The following CIP2A variants were observed in gnomAD, a reference collection of about 807,000 sequenced individuals.
The protein encoded by CIP2A is cellular inhibitor of PP2A.
CIP2A carries 103 observed loss-of-function variants against 110.9 expected under a neutral mutation model. The ratio of observed to expected loss-of-function variants is 0.93; its 90% CI spans 0.79 to 1.09. The LOEUF (loss-of-function observed/expected upper bound fraction) is 1.09. Among genes scored for constraint, CIP2A ranks in the 50% least tolerant of loss-of-function variants. CIP2A has a pLI of 0.00. For missense variants in CIP2A, 1,088 were observed against 1,038.4 expected (o/e 1.05, Z -0.66); for synonymous variants, 381 against 361.6 (o/e 1.05, Z -0.61).
At chr3:108,580,026 T>C (rs541729655) in intron 5 of CIP2A, among the ~76,000 whole-genome samples, 1 of 152,202 alleles carries the variant, frequency 6.6e-6, no homozygotes, top group Non-Finnish European at 1.5e-5. Context: ...AAGGGACACA[T>C]GCAGAGTGGA....
chr3:108,558,609 T>G (rs1937892138), intron 16 of CIP2A, among the ~76,000 whole-genome samples: 1 of 152,070 alleles, frequency 6.6e-6, no homozygotes, highest in South Asian at 2.1e-4. Context: ...AAAATGTTAT[T>G]AAGAGATAAG....
At chr3:108,569,259 A>G in intron 9 of CIP2A, 130 bp downstream of exon 9, 1 of 685,944 alleles carries the variant, frequency 1.5e-6, no homozygotes, top group South Asian at 1.8e-5. Context: ...CGAGTCTAGT[A>G]TGACTGTTAG....
intron 8 of CIP2A, among the ~76,000 whole-genome samples, chr3:108,575,268 A>G (rs1051250034): frequency 2.0e-5 from 3 of 151,644 alleles, no homozygotes; most frequent in Non-Finnish European, 4.4e-5. Context: ...GTACATGTGT[A>G]TATACACACA....
chr3:108,582,149 A>C lies in CIP2A; in HGVS notation c.411T>G (p.Gly137=). ...LTYNVKIFYS[G]ANIDELITFL... Reference sequence around the variant, plus strand: ...ACGTAATTAATTCATCTATATTGGCACCAGAATAGAAAATTTTGACATTAT... The same window carrying C: ...ACGTAATTAATTCATCTATATTGGCCCCAGAATAGAAAATTTTGACATTAT... The change falls in exon 4 of 21, where the codon GGT becomes GGG. Residue 137 remains glycine (G), a synonymous_variant. Transcript: ENST00000295746. 2 of 1,511,690 alleles carry C rather than the reference A, an allele frequency of 1.3e-6. No individual in the cohort carries two copies. Among genetic ancestry groups the C allele is most frequent in the Non-Finnish European group, 1.8e-6 (2 of 1,101,262 alleles). The allele number at this position is 1,511,690 out of a possible 1,614,324, so 93.6% of individuals were successfully genotyped here.
chr3:108,560,789 G>T lies in CIP2A; in HGVS notation c.1687C>A (p.His563Asn). The change falls in exon 14 of 21, where the codon CAT becomes AAT. Residue 563 changes from histidine (H) to asparagine (N), a missense_variant. By Grantham distance (68) the His-to-Asn change is moderately conservative. Transcript: ENST00000295746. ...TGCCAGGGCATTTTTCTGGGTATAT[G>T]TTCTGTTTCCTGTTGTCTATAGGCA... ...NNAYRQQETE[H>N]IPRKMPWQSS... 1 of 1,612,674 alleles carries T rather than the reference G, an allele frequency of 6.2e-7. No homozygotes were observed. The highest frequency in any genetic ancestry group is 8.5e-7 in the Non-Finnish European group (1 of 1,179,278).
Position 108,553,898 on chromosome 3 carries a change from A to C in CIP2A, c.2325-168T>G, listed in dbSNP as rs1421437524. Among the ~76,000 whole-genome samples the C allele has an allele frequency of 1.5e-3, 176 of 117,630 alleles. 26 individuals carry two copies. Among genetic ancestry groups the C allele is most frequent in the South Asian group, 1.3e-3 (5 of 3,732 alleles). 77.2% of individuals were successfully genotyped at this position (117,630 alleles called of 152,430 possible). On this transcript the variant is annotated intron_variant, in intron 18 of 20. Transcript: ENST00000295746. ...AAACCCCGTCTCTACTAAAAATATA[A>C]AAAAAAAAAAAAAAAAAAAAAGGTC...
At chr3:108,555,972 C>T (rs1937789265) in intron 17 of CIP2A, among the ~76,000 whole-genome samples, 1 of 152,112 alleles carries the variant, frequency 6.6e-6, no homozygotes, top group African/African-American at 2.4e-5. Context: ...TTTTCTATCA[C>T]TGCAAACCTT....
intron 12 of CIP2A, among the ~76,000 whole-genome samples, chr3:108,564,618 G>A (rs984136701): frequency 3.3e-5 from 5 of 151,856 alleles, no homozygotes; most frequent in African/African-American, 1.2e-4. Context: ...CAGTCAACCT[G>A]AGTTAGTATA....
intron 1 of CIP2A, among the ~76,000 whole-genome samples, chr3:108,586,670 T>A (rs1389847537): frequency 6.6e-6 from 1 of 152,200 alleles, no homozygotes; most frequent in African/African-American, 2.4e-5. Flanking sequence ...GTACCACTAT[T>A]TTGTTTTGCA....
At chr3:108,575,399 C>A (rs1302597038) in intron 8 of CIP2A, among the ~76,000 whole-genome samples, 1 of 147,166 alleles carries the variant, frequency 6.8e-6, no homozygotes, top group Non-Finnish European at 1.5e-5. Context: ...TATATATGTT[C>A]ACATGTGTAT....
At chr3:108,576,031 T>C (rs1938637555) in intron 8 of CIP2A, among the ~76,000 whole-genome samples, 1 of 151,558 alleles carries the variant, frequency 6.6e-6, no homozygotes, top group Non-Finnish European at 1.5e-5. Context: ...CAAGCAGTCA[T>C]CCTTGGTAAA....
chr3:108,572,158 T>G (rs904250900), intron 8 of CIP2A, among the ~76,000 whole-genome samples: 1 of 152,102 alleles, frequency 6.6e-6, no homozygotes, highest in African/African-American at 2.4e-5. Context: ...CATTCTTTTA[T>G]TAGTGGTCTT....
chr3:108,576,169 G>A, intron 8 of CIP2A, 102 bp downstream of exon 8: 1 of 644,564 alleles, frequency 1.6e-6, no homozygotes, highest in Non-Finnish European at 2.7e-6. Context: ...TAAAAATACA[G>A]AAATCTGTGC....
chr3:108,551,002 C>T lies in CIP2A; in HGVS notation c.*147G>A, dbSNP rs2107302501. 2 of 372,588 alleles carry T rather than the reference C, an allele frequency of 5.4e-6. No individual in the cohort carries two copies. The highest frequency in any genetic ancestry group is 2.6e-4 in the South Asian group (2 of 7,838). 23.1% of individuals were successfully genotyped at this position (372,588 alleles called of 1,614,324 possible). A position where few individuals can be genotyped will look rare whatever the true frequency, so the allele number is the denominator to read the frequency against. ...TCTATTCAAACTATCAAATAAAAAACATGCAACAGATCAGGGTCTTTACTA... is the reference window on the plus strand; with the variant it reads ...TCTATTCAAACTATCAAATAAAAAATATGCAACAGATCAGGGTCTTTACTA... On this transcript the variant is annotated 3_prime_UTR_variant, in exon 21 of 21. Transcript: ENST00000295746.
chr3:108,560,688 A>G lies in CIP2A; in HGVS notation c.1788T>C (p.Asn596=), dbSNP rs1284705237. ...PHLKDGVPGL[N]IEELIEKLQS... ...GAAGTTTCTCTATTAATTCTTCAAT[A>G]TTCAATCCAGGAACACCATCTTTCA... The change falls in exon 14 of 21, where the codon AAT becomes AAC. Residue 596 remains asparagine, a synonymous_variant. Coordinates refer to ENST00000295746, the MANE Select transcript of CIP2A (RefSeq NM_020890.3). The G allele has an allele frequency of 5.0e-6, 8 of 1,609,570 alleles. No individual in the cohort carries two copies. The highest frequency in any genetic ancestry group is 6.8e-6 in the Non-Finnish European group (8 of 1,178,280).
Position 108,568,224 on chromosome 3 carries a change from G to A in CIP2A, c.1204C>T (p.Gln402Ter). Reference sequence around the variant, plus strand: ...CTTGTTAAAGCCTCATCTAGATTTTGTTCTGTGAACTGAAGTTGATCAAGG... The same window carrying A: ...CTTGTTAAAGCCTCATCTAGATTTTATTCTGTGAACTGAAGTTGATCAAGG... ...TILDQLQFTE[Q>*]NLDEALTRKK... The change falls in exon 10 of 21, where the codon CAA becomes TAA. Residue 402 changes from glutamine (Q) to a stop codon, truncating the protein, a stop_gained. Coordinates refer to ENST00000295746, the MANE Select transcript of CIP2A (RefSeq NM_020890.3). LOFTEE classifies it high-confidence loss of function. 1 of 1,612,390 alleles carries A rather than the reference G, an allele frequency of 6.2e-7. No homozygotes were observed. Among genetic ancestry groups the A allele is most frequent in the Non-Finnish European group, 8.5e-7 (1 of 1,178,850 alleles).
At chr3:108,585,742 T>C (rs1022761673) in intron 1 of CIP2A, 4 of 456,384 alleles carry the variant, frequency 8.8e-6, no homozygotes, top group East Asian at 6.9e-5. Flanking sequence ...CCAAAGACAA[T>C]AGGTGAGCTC....
At position 108,553,738 on chromosome 3, in the gene CIP2A, T is replaced by C. The variant is rs1182666662; in HGVS notation, c.2325-8A>G. On this transcript the variant is annotated splice_polypyrimidine_tract_variant and splice_region_variant and intron_variant, in intron 18 of 20. Coordinates refer to ENST00000295746, the MANE Select transcript of CIP2A (RefSeq NM_020890.3). Reference sequence around the variant, plus strand: ...ATTAATTGGGCAATACTTCTGAAGTTATTAAAAAAAATAGAAGAAAACATT... The same window carrying C: ...ATTAATTGGGCAATACTTCTGAAGTCATTAAAAAAAATAGAAGAAAACATT... The C allele has an allele frequency of 1.3e-6, 2 of 1,484,802 alleles. No individual in the cohort carries two copies. The highest frequency in any genetic ancestry group is 1.7e-5 in the Admixed American group (1 of 58,434). The allele number at this position is 1,484,802 out of a possible 1,614,324, so 92.0% of individuals were successfully genotyped here.
chr3:108,557,039 A>G (rs975338041), intron 17 of CIP2A, among the ~76,000 whole-genome samples, 179 bp downstream of exon 17: 2 of 152,150 alleles, frequency 1.3e-5, no homozygotes, highest in African/African-American at 4.8e-5. Context: ...CAACATTGAT[A>G]CTGAGTTTGA....
Sources: allele counts gnomAD v4.1 joint callset (sites outside exome capture counted in the v4.1 genomes callset), GRCh38; gene constraint gnomAD v4.1.1; transcripts MANE v1.5; gene names NCBI Gene and HGNC (gene_info 2026-07-23, HGNC 2026-07-21).